Variants in CNTNAP5 observed in about 807,000 individuals in gnomAD.
CNTNAP5 encodes contactin associated protein family member 5.
CNTNAP5 carries 72 observed loss-of-function variants against 150.2 expected under a neutral mutation model. That is an observed-to-expected ratio of 0.48 (90% CI 0.40 to 0.58). The LOEUF (loss-of-function observed/expected upper bound fraction) is 0.58, where lower values mean the gene tolerates loss of function less well. Among genes scored for constraint, CNTNAP5 ranks in the 20% least tolerant of loss-of-function variants. The pLI is 0.00. For missense variants in CNTNAP5, 1,636 were observed against 1,626.2 expected (o/e 1.01, Z -0.10); for synonymous variants, 672 against 619.8 (o/e 1.08, Z -1.25).
chr2:124,549,537 G>T (rs778879569), intron 10 of CNTNAP5, among the ~76,000 whole-genome samples: 1 of 152,118 alleles, frequency 6.6e-6, no homozygotes, highest in South Asian at 2.1e-4. Flanking sequence ...GTCAAAATTT[G>T]CAGTCATACA....
intron 3 of CNTNAP5, among the ~76,000 whole-genome samples, chr2:124,387,369 G>A (rs1005923632): frequency 1.8e-4 from 28 of 152,222 alleles, no homozygotes; most frequent in East Asian, 1.9e-4. Context: ...AGTTTCATGC[G>A]CGTCCATGTG....
chr2:124,163,305 C>T (rs999741301), intron 1 of CNTNAP5, among the ~76,000 whole-genome samples: 2 of 152,132 alleles, frequency 1.3e-5, no homozygotes, highest in African/African-American at 4.8e-5. Context: ...AGGTGACATG[C>T]TGCCTCCAGC....
chr2:124,810,340 C>CG (rs1558784732), intron 19 of CNTNAP5, among the ~76,000 whole-genome samples: 1 of 152,100 alleles, frequency 6.6e-6, no homozygotes, highest in Admixed American at 6.5e-5. Context: ...CAAGCTCCCT[C>CG]GTGTGGCTGT....
intron 13 of CNTNAP5, among the ~76,000 whole-genome samples, chr2:124,692,553 G>C (rs72978541): frequency 0.012 from 1,874 of 152,204 alleles, 39 homozygotes; most frequent in African/African-American, 0.043. Flanking sequence ...AGGTTGGAAG[G>C]GGGAAGGAAA....
intron 13 of CNTNAP5, among the ~76,000 whole-genome samples, chr2:124,746,317 A>T (rs1680602605): frequency 6.6e-6 from 1 of 152,178 alleles, no homozygotes. Context: ...AATCATAAAA[A>T]ATCCAACAGA....
intron 13 of CNTNAP5, among the ~76,000 whole-genome samples, chr2:124,670,179 C>CCTT (rs1324431370): frequency 0.019 from 1,676 of 89,954 alleles, 19 homozygotes; most frequent in African/African-American, 0.028. Context: ...CTTCCTTCCT[C>CCTT]CCTCTCTTTC....
At position 124,184,817 on chromosome 2, in the gene CNTNAP5, G is replaced by A. The variant is rs147500452; in HGVS notation, c.83-36888G>A. On this transcript the variant is annotated intron_variant, in intron 1 of 23. Transcript: ENST00000682447. ...GTGCTCCAGGTTTTACAGGAGCACT[G>A]GACCTAAGATGGAACCATACTTTAA... Among the ~76,000 whole-genome samples the A allele has an allele frequency of 9.6e-4, 146 of 152,236 alleles. 1 individual carries two copies. Among genetic ancestry groups the A allele is most frequent in the Non-Finnish European group, 1.7e-3 (118 of 68,014 alleles).
intron 3 of CNTNAP5, among the ~76,000 whole-genome samples, chr2:124,296,142 A>G (rs934433232): frequency 6.6e-6 from 1 of 152,114 alleles, no homozygotes; most frequent in African/African-American, 2.4e-5. Context: ...ACTTGATTAT[A>G]GTGATAGTGC....
At chr2:124,492,456 A>G (rs1408104960) in intron 7 of CNTNAP5, among the ~76,000 whole-genome samples, 1 of 152,160 alleles carries the variant, frequency 6.6e-6, no homozygotes, top group East Asian at 1.9e-4. Flanking sequence ...GTATGCCAGC[A>G]TCATACTGTT....
chr2:124,277,763 T>C (rs1202142201), intron 3 of CNTNAP5, among the ~76,000 whole-genome samples: 1 of 152,128 alleles, frequency 6.6e-6, no homozygotes, highest in Non-Finnish European at 1.5e-5. Context: ...CCATCAGAAA[T>C]CCAGGCAATT....
intron 19 of CNTNAP5, among the ~76,000 whole-genome samples, chr2:124,844,112 A>T (rs1234502737): frequency 2.0e-5 from 3 of 151,856 alleles, no homozygotes; most frequent in Admixed American, 6.6e-5. Flanking sequence ...AGTTTTTTTC[A>T]ATGTTATCTT....
intron 1 of CNTNAP5, among the ~76,000 whole-genome samples, chr2:124,169,183 G>A (rs900968914): frequency 6.6e-6 from 1 of 152,050 alleles, no homozygotes; most frequent in African/African-American, 2.4e-5. Context: ...AATAGCATGG[G>A]GCAAAACTGA....
chr2:124,823,318 T>C (rs2104671638), intron 19 of CNTNAP5, among the ~76,000 whole-genome samples: 1 of 152,280 alleles, frequency 6.6e-6, no homozygotes, highest in South Asian at 2.1e-4. Context: ...AGCCATTCAC[T>C]ATATATTTAC....
chr2:124,037,410 TAGTCA>T (rs1681255717), intron 1 of CNTNAP5, among the ~76,000 whole-genome samples: 1 of 152,232 alleles, frequency 6.6e-6, no homozygotes, highest in African/African-American at 2.4e-5. Flanking sequence ...TTATCTACAA[TAGTCA>T]AGTCATGAAA....
In CNTNAP5 at chr2:124,915,832, G is replaced by A. The variant is rs1333696531; in HGVS notation, c.*1544G>A. 3.9e-5 allele frequency among the ~76,000 whole-genome samples: 6 copies of A among 152,032 alleles called. No homozygotes were observed. Among genetic ancestry groups the A allele is most frequent in the Non-Finnish European group, 7.4e-5 (5 of 67,978 alleles). On this transcript the variant is annotated 3_prime_UTR_variant, in exon 24 of 24. Transcript: ENST00000682447. ...ATTCTTTGTCCTGGGCCATCTTGGA[G>A]AAAAAGGTAAGGAGAAGACAATGTA...
At chr2:124,502,632 C>A (rs1046147250) in intron 7 of CNTNAP5, among the ~76,000 whole-genome samples, 1 of 152,156 alleles carries the variant, frequency 6.6e-6, no homozygotes, top group Non-Finnish European at 1.5e-5. Context: ...CTCTGCAGAG[C>A]ATTTGTGATT....
At chr2:124,518,754 A>T (rs1694786670) in intron 8 of CNTNAP5, among the ~76,000 whole-genome samples, 1 of 152,090 alleles carries the variant, frequency 6.6e-6, no homozygotes, top group Admixed American at 6.5e-5. Context: ...TGGGAGGCTG[A>T]GGTGGGTGGA....
intron 19 of CNTNAP5, among the ~76,000 whole-genome samples, chr2:124,806,163 C>T (rs1558783080): frequency 2.0e-5 from 3 of 151,924 alleles, no homozygotes; most frequent in Admixed American, 6.6e-5. Flanking sequence ...ATCTTTGTAA[C>T]GTCAGTGTGA....
intron 10 of CNTNAP5, among the ~76,000 whole-genome samples, chr2:124,538,431 T>C (rs1349589339): frequency 1.3e-5 from 2 of 151,502 alleles, no homozygotes; most frequent in Non-Finnish European, 2.9e-5. Context: ...TGAGCAAAGA[T>C]CATGCCACTG....
Sources: gnomAD v4.1 joint callset for allele counts (sites outside exome capture counted in the v4.1 genomes callset) on GRCh38, gnomAD v4.1.1 for gene constraint, MANE v1.5 for transcripts, NCBI Gene and HGNC (gene_info 2026-07-23, HGNC 2026-07-21) for gene names.